The following ACSL1 variants were observed in gnomAD, a reference collection of about 807,000 sequenced individuals.
ACSL1 encodes long-chain-fatty-acid--CoA ligase 1.
ACSL1 carries 41 observed loss-of-function variants against 98.4 expected under a neutral mutation model. That is an observed-to-expected ratio of 0.42 (90% CI 0.32 to 0.54). The LOEUF is 0.54. Ranked by LOEUF, ACSL1 falls within the 20% of genes least tolerant of loss-of-function variation. ACSL1 has a pLI of 0.13. For missense variants in ACSL1, 734 were observed against 883.1 expected (o/e 0.83, Z 2.14); for synonymous variants, 316 against 322.7 (o/e 0.98, Z 0.22).
intron 2 of ACSL1, chr4:184,798,651 C>A (rs1173244411): frequency 1.3e-5 from 2 of 152,830 alleles, no homozygotes; most frequent in African/African-American, 4.8e-5. Context: ...CCAGTGGCTC[C>A]TCTCGGTCCA....
chr4:184,758,042 C>T lies in ACSL1; in HGVS notation c.1783-122G>A, dbSNP rs1046091811. The T allele has an allele frequency of 2.2e-4, 196 of 897,574 alleles. 1 individual carries two copies. The highest frequency in any genetic ancestry group is 4.9e-5 in the Non-Finnish European group (28 of 576,308). 55.6% of individuals were successfully genotyped at this position (897,574 alleles called of 1,614,324 possible). A position where few individuals can be genotyped will look rare whatever the true frequency, so the allele number is the denominator to read the frequency against. ...TGATGAAAGTTATGGCTCATCTATT[C>T]AGAACATACTACCCCCCTCCCCCAG... On this transcript the variant is annotated intron_variant, in intron 18 of 20. Transcript: ENST00000281455.
intron 2 of ACSL1, among the ~76,000 whole-genome samples, chr4:184,801,803 G>A (rs573299646): frequency 6.6e-6 from 1 of 152,324 alleles, no homozygotes; most frequent in East Asian, 1.9e-4. Flanking sequence ...GTTCTAGAGA[G>A]AACATATGTA....
chr4:184,803,108 T>C lies in ACSL1; in HGVS notation c.195+212A>G, dbSNP rs1561233628. ...GAATGATCTTCCATGTGACGAGAGG[T>C]AGACACCCAACCGACACCCTCTCAT... is the stretch of plus-strand genomic sequence containing the variant. On this transcript the variant is annotated intron_variant, in intron 2 of 20. Coordinates refer to ENST00000281455, the MANE Select transcript of ACSL1 (RefSeq NM_001995.5). This position sits in a 1 kb window ranked among gnomAD's most constrained non-coding sequence, Gnocchi z 4.8. Among the ~76,000 whole-genome samples, 1 of 152,154 alleles carries C rather than the reference T, an allele frequency of 6.6e-6. No homozygotes were observed. Among genetic ancestry groups the C allele is most frequent in the South Asian group, 2.1e-4 (1 of 4,832 alleles).
chr4:184,784,069 C>A, intron 3 of ACSL1, 78 bp from the exon 4 acceptor site: 2 of 1,159,396 alleles, frequency 1.7e-6, no homozygotes. Flanking sequence ...CCCAACCGCA[C>A]TCTAATACTA....
At chr4:184,782,626 C>T (rs1469792421) in intron 4 of ACSL1, among the ~76,000 whole-genome samples, 1 of 152,142 alleles carries the variant, frequency 6.6e-6, no homozygotes, top group Non-Finnish European at 1.5e-5. Context: ...AATGAGGGAT[C>T]CTGGAAACTA....
chr4:184,807,473 G>C (rs1422713839), intron 1 of ACSL1, among the ~76,000 whole-genome samples: 5 of 152,140 alleles, frequency 3.3e-5, no homozygotes, highest in African/African-American at 1.2e-4. Flanking sequence ...TGCTCAGCTG[G>C]GTTTTCTGTA....
At chr4:184,772,434 A>G in intron 10 of ACSL1, among the ~76,000 whole-genome samples, 1 of 152,228 alleles carries the variant, frequency 6.6e-6, no homozygotes, top group East Asian at 1.9e-4. Flanking sequence ...AGGAAAAGGC[A>G]TATGGTTCAA....
chr4:184,764,790 C>T, intron 15 of ACSL1, 63 bp downstream of exon 15: 1 of 1,450,790 alleles, frequency 6.9e-7, no homozygotes, highest in Non-Finnish European at 9.4e-7. Context: ...AACCCAATTC[C>T]AGACATACCA....
In ACSL1 at chr4:184,776,580, G is replaced by T. The variant is rs1353569570; in HGVS notation, c.660C>A (p.Gly220=). ...LEGVENKLIP[G]LKIIVVMDAY... ...CATCCATGACAACTATGATTTTAAG[G>T]CCTGGTATTAACTTATTTTCTACAC... The change falls in exon 7 of 21, where the codon GGC becomes GGA. Residue 220 remains glycine (G), a synonymous_variant. Coordinates refer to ENST00000281455, the MANE Select transcript of ACSL1 (RefSeq NM_001995.5). The T allele has an allele frequency of 9.3e-6, 15 of 1,614,008 alleles. No individual in the cohort carries two copies. Among genetic ancestry groups the T allele is most frequent in the East Asian group, 2.2e-5 (1 of 44,890 alleles).
intron 1 of ACSL1, among the ~76,000 whole-genome samples, chr4:184,823,729 T>C (rs1773244794): frequency 6.6e-6 from 1 of 152,222 alleles, no homozygotes; most frequent in South Asian, 2.1e-4. Flanking sequence ...TCTGAGATAG[T>C]CATTTTACAT....
Position 184,766,928 on chromosome 4 carries a change from TCC to T in ACSL1, c.1129-174_1129-173del, listed in dbSNP as rs1763699771. ...CACATGGTCAGCACAGGACAGCAAT[TCC>T]ACACCTCGGTATACACCCAGGAGCA... is the stretch of plus-strand genomic sequence containing the variant. On this transcript the variant is annotated intron_variant, in intron 12 of 20. Transcript: ENST00000281455. This position sits in a 1 kb window ranked among gnomAD's most constrained non-coding sequence, Gnocchi z 4.8. 6.6e-6 allele frequency among the ~76,000 whole-genome samples: 1 copy of T among 152,166 alleles called. No individual in the cohort carries two copies. Among genetic ancestry groups the T allele is most frequent in the Non-Finnish European group, 1.5e-5 (1 of 68,012 alleles).
intron 1 of ACSL1, among the ~76,000 whole-genome samples, chr4:184,816,289 G>C (rs1772629564): frequency 6.6e-6 from 1 of 152,112 alleles, no homozygotes; most frequent in Non-Finnish European, 1.5e-5. Flanking sequence ...AAGTGAAATA[G>C]GGAAAAGGTT....
Position 184,760,403 on chromosome 4 carries a change from C to G in ACSL1, c.1736G>C (p.Arg579Pro). 2 of 1,614,150 alleles carry G rather than the reference C, an allele frequency of 1.2e-6. No homozygotes were observed. Among genetic ancestry groups the G allele is most frequent in the Non-Finnish European group, 1.7e-6 (2 of 1,180,014 alleles). Residue 579 changes from arginine to proline, a missense_variant, in exon 18 of 21, where the codon CGA (arginine) becomes CCA (proline). Arg to Pro is a moderately radical substitution (Grantham distance 103). Coordinates refer to ENST00000281455, the MANE Select transcript of ACSL1 (RefSeq NM_001995.5). Reference protein sequence around the residue: ...APEKIENIYMRSEPVAQVFVH... With the variant: ...APEKIENIYMPSEPVAQVFVH... The stretch of plus-strand genomic sequence containing the variant: ...AAACACCTGAGCAACAGGCTCACTT[C>G]GCATGTAGATATTTTCAATCTTTTC...
At chr4:184,777,572 G>GA (rs894810138) in intron 5 of ACSL1, among the ~76,000 whole-genome samples, 3 of 150,676 alleles carry the variant, frequency 2.0e-5, no homozygotes, top group African/African-American at 7.3e-5. Context: ...AGAAAGAAAA[G>GA]AAAAAAGGAA....
At chr4:184,798,425 C>G (rs1317730266) in intron 2 of ACSL1, 1 of 152,984 alleles carries the variant, frequency 6.5e-6, no homozygotes, top group Non-Finnish European at 1.5e-5. Flanking sequence ...ACTAATTTGA[C>G]AAGTCAGTCA....
At chr4:184,811,369 C>T (rs535360067) in intron 1 of ACSL1, among the ~76,000 whole-genome samples, 3 of 152,116 alleles carry the variant, frequency 2.0e-5, no homozygotes, top group Non-Finnish European at 2.9e-5. Context: ...GCCTTGGCCT[C>T]CCAAAGTGCT....
intron 14 of ACSL1, 91 bp downstream of exon 14, chr4:184,765,794 AACACAC>A: frequency 9.8e-6 from 9 of 917,874 alleles, no homozygotes; most frequent in Non-Finnish European, 1.3e-5. Flanking sequence ...ATTAAGAAAG[AACACAC>A]ACACACACAC....
intron 1 of ACSL1, among the ~76,000 whole-genome samples, chr4:184,811,504 A>G (rs11726327): frequency 0.56 from 84,563 of 151,922 alleles, 24,646 homozygotes; most frequent in Admixed American, 0.63. Flanking sequence ...ACATTATCCA[A>G]CCTTTAAAAA....
At chr4:184,804,889 A>G (rs1008020976) in intron 1 of ACSL1, among the ~76,000 whole-genome samples, 1 of 152,210 alleles carries the variant, frequency 6.6e-6, no homozygotes, top group Non-Finnish European at 1.5e-5. Context: ...ACGCAGGTAA[A>G]AACACTGCCT....
Sources: gnomAD v4.1 joint callset for allele counts (sites outside exome capture counted in the v4.1 genomes callset) on GRCh38, gnomAD v4.1.1 for gene constraint, Gnocchi (gnomAD v3.1) non-coding constraint, MANE v1.5 for transcripts, NCBI Gene and HGNC (gene_info 2026-07-23, HGNC 2026-07-21) for gene names.